The following DGKK variants were observed in gnomAD, a reference collection of about 807,000 sequenced individuals.
DGKK encodes the protein diacylglycerol kinase kappa, also known as 142 kDa diacylglycerol kinase.
Under a neutral mutation model 92.2 loss-of-function variants are expected in DGKK, and 35 were observed. That is an observed-to-expected ratio of 0.38 (90% CI 0.29 to 0.50). DGKK has a LOEUF of 0.50. Ranked by LOEUF, DGKK falls within the 20% of genes least tolerant of loss-of-function variation. The pLI, the probability that DGKK is intolerant of heterozygous loss-of-function variation, is 0.92. For synonymous variants in DGKK, 368 were observed against 360.6 expected, an observed-to-expected ratio of 1.02 and a Z score of -0.23; for missense variants, 910 against 992.2, an observed-to-expected ratio of 0.92 and a Z score of 1.11.
intron 4 of DGKK, among the ~76,000 whole-genome samples, chrX:50,408,019 A>G (rs1925201276): frequency 8.8e-6 from 1 of 113,073 alleles, no homozygotes; most frequent in Admixed American, 9.2e-5. Context: ...AGAAAATGGA[A>G]GAATGACTTC....
At position 50,393,287 on chromosome X, in the gene DGKK, G is replaced by A. The variant is rs781795649; in HGVS notation, c.1460C>T (p.Ala487Val). The A allele has an allele frequency of 2.5e-6, 3 of 1,210,335 alleles. No individual in the cohort carries two copies. Among genetic ancestry groups the A allele is most frequent in the Non-Finnish European group, 3.4e-6 (3 of 894,678 alleles). Residue 487 changes from alanine to valine, a missense_variant, in exon 9 of 28, where the codon GCC becomes GTC. Transcript: ENST00000611977. ...SDFWNLDWSS[A>V]CSCPLLIFIN... ...GAAGATGAGCAAGGGACATGAACAG[G>A]CTGATGACCAATCAAGATTCCAGAA...
In DGKK at chrX:50,368,950, G is replaced by C; in HGVS notation, c.3806C>G (p.Ser1269Cys). 8.3e-7 allele frequency: 1 copy of C among 1,208,278 alleles called. No homozygotes were observed. The highest frequency in any genetic ancestry group is 1.1e-6 in the Non-Finnish European group (1 of 893,454). Residue 1269 changes from serine (S) to cysteine (C), a missense_variant, in exon 28 of 28, where the codon TCT becomes TGT. By Grantham distance (112) the Ser-to-Cys change is moderately radical. Coordinates refer to ENST00000611977, the MANE Select transcript of DGKK (RefSeq NM_001013742.4). ...EGDDPLTPSR[S>C]QL ...TCCAGCTTTCAAGGGCTACAGTTGA[G>C]ATCTCGATGGTGTTAGAGGATCATC... is the stretch of plus-strand genomic sequence containing the variant.
intron 4 of DGKK, among the ~76,000 whole-genome samples, chrX:50,408,438 G>T (rs782677888): frequency 8.9e-6 from 1 of 111,831 alleles, no homozygotes; most frequent in South Asian, 3.8e-4. Context: ...GAGTGCAGTG[G>T]CGCGATCTCG....
At chrX:50,378,935 G>C (rs1234579174) in intron 20 of DGKK, among the ~76,000 whole-genome samples, 1 of 112,110 alleles carries the variant, frequency 8.9e-6, no homozygotes, top group Non-Finnish European at 1.9e-5. Flanking sequence ...AGTCTTATTG[G>C]CCTTATGACC....
chrX:50,430,487 G>A (rs1308592563), intron 1 of DGKK, among the ~76,000 whole-genome samples: 5 of 111,847 alleles, frequency 4.5e-5, no homozygotes, highest in Non-Finnish European at 5.6e-5. Context: ...TGTGGTGAGA[G>A]TGAGTATGGT....
intron 17 of DGKK, among the ~76,000 whole-genome samples, chrX:50,383,801 C>CTGTT (rs1422997216): frequency 8.9e-6 from 1 of 112,022 alleles, no homozygotes; most frequent in Non-Finnish European, 1.9e-5. Context: ...CAACCATTTA[C>CTGTT]TGTTAAGGGC....
Position 50,371,719 on chromosome X carries a change from C to T in DGKK, c.3612+5G>A, listed in dbSNP as rs375810239. On this transcript the variant is annotated splice_donor_5th_base_variant and intron_variant, in intron 26 of 27. Transcript: ENST00000611977. ...CTTTATTTCCCAATTCCCAAGATTA[C>T]GCACCTCTGGAACAAAGATTGGATT... 2.0e-5 allele frequency: 23 copies of T among 1,166,698 alleles called. No homozygotes were observed. The highest frequency in any genetic ancestry group is 1.4e-4 in the African/African-American group (8 of 56,390).
Position 50,370,513 on chromosome X carries a change from G to C in DGKK, c.3649C>G (p.Leu1217Val). The part of the protein sequence containing the change: ...SSDTDSRSLR[L>V]KIKFPKLGKK... ...CCCAATTTGGGGAACTTAATTTTCA[G>C]CCTGAGGCTTCTACTGTCAGTGTCC... Residue 1217 changes from leucine to valine, a missense_variant, in exon 27 of 28, where the codon CTG becomes GTG. Physicochemically the swap from Leu to Val is conservative, Grantham distance 32 (BLOSUM62 1). Coordinates refer to ENST00000611977, the MANE Select transcript of DGKK (RefSeq NM_001013742.4). The C allele has an allele frequency of 4.2e-6, 5 of 1,197,158 alleles. No homozygotes were observed. The highest frequency in any genetic ancestry group is 2.3e-5 in the Admixed American group (1 of 44,093).
chrX:50,429,183 T>TGGA (rs1925818581), intron 1 of DGKK, among the ~76,000 whole-genome samples: 1 of 111,626 alleles, frequency 9.0e-6, no homozygotes, highest in Non-Finnish European at 1.9e-5. Flanking sequence ...CACGTCTGAC[T>TGGA]TCCAGACAGT....
chrX:50,394,291 G>A (rs1924780450), intron 8 of DGKK, among the ~76,000 whole-genome samples: 1 of 111,812 alleles, frequency 8.9e-6, no homozygotes, highest in Non-Finnish European at 1.9e-5. Flanking sequence ...GGGTGAAAGG[G>A]AGCCTGAAGG....
At chrX:50,467,110 C>T (rs2063136595) in intron 1 of DGKK, among the ~76,000 whole-genome samples, 1 of 112,194 alleles carries the variant, frequency 8.9e-6, no homozygotes, top group Non-Finnish European at 1.9e-5. Flanking sequence ...CATCCCTCCC[C>T]CAAGAGAGTT....
At chrX:50,379,932 A>G (rs1186364270) in intron 19 of DGKK, 49 bp downstream of exon 19, 2 of 1,115,602 alleles carry the variant, frequency 1.8e-6, no homozygotes, top group Non-Finnish European at 2.5e-6. Context: ...CAAGGCCATG[A>G]GATTTCCTTT....
chrX:50,436,863 G>C (rs187671004), intron 1 of DGKK, among the ~76,000 whole-genome samples: 5 of 110,751 alleles, frequency 4.5e-5, no homozygotes, highest in Admixed American at 2.9e-4. Context: ...TATATGTTCT[G>C]TGTTGTTTGA....
intron 4 of DGKK, among the ~76,000 whole-genome samples, chrX:50,413,774 T>C (rs1925359715): frequency 8.9e-6 from 1 of 111,764 alleles, no homozygotes; most frequent in Non-Finnish European, 1.9e-5. Flanking sequence ...TAAATTAATA[T>C]AGCCATTATG....
chrX:50,417,253 T>C (rs782270590), intron 4 of DGKK, among the ~76,000 whole-genome samples: 12 of 110,092 alleles, frequency 1.1e-4, no homozygotes, highest in Non-Finnish European at 1.9e-4. Context: ...ACAGTGAATG[T>C]TGGAAAGTTA....
intron 4 of DGKK, among the ~76,000 whole-genome samples, chrX:50,411,164 G>A (rs1557227913): frequency 9.0e-6 from 1 of 111,484 alleles, no homozygotes; most frequent in Non-Finnish European, 1.9e-5. Flanking sequence ...GATTACCCAT[G>A]GAGGAACAGC....
At position 50,394,761 on chromosome X, in the gene DGKK, A is replaced by G. The variant is rs534591441; in HGVS notation, c.1412-1426T>C. Among the ~76,000 whole-genome samples the G allele has an allele frequency of 1.1e-4, 12 of 111,829 alleles. No homozygotes were observed. In the South Asian group the frequency reaches 3.4e-3, roughly 32 times the overall value. On this transcript the variant is annotated intron_variant, in intron 8 of 27. Coordinates refer to ENST00000611977, the MANE Select transcript of DGKK (RefSeq NM_001013742.4). ...GAGACAGACCATAACAAAGAATTAT[A>G]AAAAAGAATTTGCCATGAAGAAAAA...
rs1925614156 is a variant in DGKK at position 50,422,323 on chromosome X, C to T, written c.837+123G>A. The T allele has an allele frequency of 6.2e-6, 3 of 486,813 alleles. No homozygotes were observed. In the South Asian group the frequency reaches 1.5e-4, roughly 24 times the overall value. The allele number at this position is 486,813 out of a possible 1,213,427, so 40.1% of individuals were successfully genotyped here. ...TAGAAAATGTTTGCATGAATGATAACACTTTGGGATCAAAGGAAACTTTGG... is the reference window on the plus strand; with the variant it reads ...TAGAAAATGTTTGCATGAATGATAATACTTTGGGATCAAAGGAAACTTTGG... On this transcript the variant is annotated intron_variant, in intron 3 of 27. Coordinates refer to ENST00000611977, the MANE Select transcript of DGKK (RefSeq NM_001013742.4).
intron 4 of DGKK, among the ~76,000 whole-genome samples, chrX:50,420,117 T>C (rs1327586873): frequency 9.0e-6 from 1 of 111,714 alleles, no homozygotes; most frequent in Non-Finnish European, 1.9e-5. Context: ...GCATCTACAT[T>C]AGCTGCTCAC....
Sources: allele counts gnomAD v4.1 joint callset (sites outside exome capture counted in the v4.1 genomes callset), GRCh38; gene constraint gnomAD v4.1.1; transcripts MANE v1.5; gene names NCBI Gene and HGNC (gene_info 2026-07-23, HGNC 2026-07-21).